Variants in ATIC observed in about 807,000 individuals in gnomAD.
ATIC encodes 5-aminoimidazole-4-carboxamide ribonucleotide formyltransferase/IMP cyclohydrolase, also known as bifunctional purine biosynthesis protein ATIC.
Under a neutral mutation model 72.5 loss-of-function variants are expected in ATIC, and 64 were observed. The observed-to-expected ratio is 0.88, with a 90% CI of 0.72 to 1.09. The LOEUF (loss-of-function observed/expected upper bound fraction) is 1.09. Ranked by LOEUF, ATIC falls within the 50% of genes least tolerant of loss-of-function variation. The pLI is 0.00. For missense variants in ATIC, 787 were observed against 732.4 expected, an observed-to-expected ratio of 1.07 and a Z score of -0.86; for synonymous variants, 281 against 267.1, an observed-to-expected ratio of 1.05 and a Z score of -0.51.
At chr2:215,364,226 A>G in the ATIC span, 1 of 157,598 alleles carries the variant, frequency 6.3e-6, no homozygotes, top group South Asian at 1.9e-4. Context: ...TACTTAGCAC[A>G]GTGCTAGACC....
chr2:215,317,098 T>C (rs2052718231), intron 2 of ATIC, among the ~76,000 whole-genome samples: 2 of 152,160 alleles, frequency 1.3e-5, no homozygotes, highest in Non-Finnish European at 2.9e-5. Flanking sequence ...GTGGGCATTT[T>C]TACACACCAT....
In ATIC at chr2:215,349,689, T is replaced by C. The variant is rs779607170; in HGVS notation, c.*34T>C. The C allele has an allele frequency of 1.4e-5, 23 of 1,614,012 alleles. No homozygotes were observed. In the East Asian group the frequency reaches 4.0e-4, roughly 28 times the overall value. ...CACACTGTTTTTTGGCTTGCTTATG[T>C]GTAGGTGAACAGTCACGCCTGAAAC... On this transcript the variant is annotated 3_prime_UTR_variant, in exon 16 of 16. Coordinates refer to ENST00000236959, the MANE Select transcript of ATIC (RefSeq NM_004044.7).
In ATIC at chr2:215,319,524, T is replaced by TA. The variant is rs2052744657; in HGVS notation, c.224-140dup. On this transcript the variant is annotated intron_variant, in intron 3 of 15. Transcript: ENST00000236959. ...CGCCACTACAATCCAGCCTGGGCGA[T>TA]AGAGTGAGACCATCTCAAAAAAATA... 5 of 661,922 alleles carry TA rather than the reference T, an allele frequency of 7.6e-6. No homozygotes were observed. In the Admixed American group the frequency reaches 1.2e-4, roughly 16 times the overall value. 41.0% of individuals were successfully genotyped at this position (661,922 alleles called of 1,614,324 possible). A position where few individuals can be genotyped will look rare whatever the true frequency, so the allele number is the denominator to read the frequency against.
chr2:215,361,855 TG>T, the ATIC span: 22 of 1,400,964 alleles, frequency 1.6e-5, no homozygotes, highest in African/African-American at 2.9e-5. Flanking sequence ...AAGTCATTTA[TG>T]AGTTGTTTTT....
intron 4 of ATIC, among the ~76,000 whole-genome samples, chr2:215,324,970 G>A (rs898676497): frequency 6.6e-6 from 1 of 152,110 alleles, no homozygotes; most frequent in Non-Finnish European, 1.5e-5. Flanking sequence ...GGTTATGCAA[G>A]CAGCAGCGTT....
At chr2:215,352,245 A>G (rs1398903185), downstream of ATIC, among the ~76,000 whole-genome samples, 1 of 152,224 alleles carries the variant, frequency 6.6e-6, no homozygotes, top group East Asian at 1.9e-4. Context: ...AAAAGGGGAA[A>G]TTAGGTGTGA....
chr2:215,327,176 T>C (rs569924139), intron 7 of ATIC, among the ~76,000 whole-genome samples, 198 bp downstream of exon 7: 1 of 152,226 alleles, frequency 6.6e-6, no homozygotes, highest in Admixed American at 6.5e-5. Flanking sequence ...TCTGAAAAGA[T>C]GTCATGGGGG....
chr2:215,316,959 A>G (rs907076770), intron 2 of ATIC, among the ~76,000 whole-genome samples: 3 of 152,068 alleles, frequency 2.0e-5, no homozygotes, highest in Admixed American at 6.6e-5. Context: ...GCGGGGTTTC[A>G]CCATGTTGGT....
chr2:215,319,742 G>A lies in ATIC; in HGVS notation c.290+11G>A. 1 of 1,596,106 alleles carries A rather than the reference G, an allele frequency of 6.3e-7. No individual in the cohort carries two copies. Among genetic ancestry groups the A allele is most frequent in the Non-Finnish European group, 8.6e-7 (1 of 1,163,726 alleles). On this transcript the variant is annotated intron_variant, in intron 4 of 15. Transcript: ENST00000236959. ...TTTCAATCTTATAAGGTAAAAACCT[G>A]AAATTAAACTTTTAACACATTACGA...
the ATIC span, chr2:215,365,706 C>A: frequency 3.6e-5 from 52 of 1,436,856 alleles, no homozygotes; most frequent in African/African-American, 6.2e-4. Context: ...TGAACTGGGA[C>A]GTGTCACAGG....
intron 11 of ATIC, among the ~76,000 whole-genome samples, chr2:215,337,487 C>T (rs953009633): frequency 6.6e-6 from 1 of 152,132 alleles, no homozygotes; most frequent in Non-Finnish European, 1.5e-5. Flanking sequence ...CTGCCTCACC[C>T]TCCCAAGTAC....
In ATIC at chr2:215,338,683, A is replaced by G. The variant is rs1011858149; in HGVS notation, c.1099-96A>G. 1.0e-5 allele frequency: 14 copies of G among 1,338,234 alleles called. No individual in the cohort carries two copies. In the African/African-American group the frequency reaches 1.5e-4, roughly 14 times the overall value. 82.9% of individuals were successfully genotyped at this position (1,338,234 alleles called of 1,614,324 possible). ...TGTAAAAAATTAGAAACATGCATAT[A>G]ACTTTACTTACAATGAAATCTTTTG... is the stretch of plus-strand genomic sequence containing the variant. On this transcript the variant is annotated intron_variant, in intron 11 of 15. Coordinates refer to ENST00000236959, the MANE Select transcript of ATIC (RefSeq NM_004044.7).
At position 215,332,476 on chromosome 2, in the gene ATIC, C is replaced by T. The variant is rs151259995; in HGVS notation, c.783C>T (p.Ala261=). ...TCAAGGAGGCTTTAGGTATTCCAGC[C>T]GCTGCCTCTTTCAAACATGTCAGCC... ...KELKEALGIP[A]AASFKHVSPA... Residue 261 remains alanine, a synonymous_variant, in exon 8 of 16, where the codon GCC becomes GCT. Coordinates refer to ENST00000236959, the MANE Select transcript of ATIC (RefSeq NM_004044.7). 47 of 1,613,934 alleles carry T rather than the reference C, an allele frequency of 2.9e-5. No individual in the cohort carries two copies. The highest frequency in any genetic ancestry group is 3.9e-5 in the Non-Finnish European group (46 of 1,180,030).
the ATIC span, among the ~76,000 whole-genome samples, chr2:215,367,239 G>A: frequency 5.3e-5 from 8 of 151,974 alleles, no homozygotes; most frequent in Non-Finnish European, 1.2e-4. Context: ...TATTTCCTAG[G>A]CACATTTTAA....
chr2:215,319,769 C>G (rs755448727), intron 4 of ATIC, 38 bp downstream of exon 4: 11 of 1,510,340 alleles, frequency 7.3e-6, no homozygotes, highest in Non-Finnish European at 9.2e-6. Context: ...ACATTACGAA[C>G]CAACGACAAA....
the ATIC span, among the ~76,000 whole-genome samples, chr2:215,356,465 A>G: frequency 6.6e-6 from 1 of 152,234 alleles, no homozygotes; most frequent in South Asian, 2.1e-4. Flanking sequence ...AATTTATGTA[A>G]CGTAAAATTC....
chr2:215,326,621 A>G (rs2106008128), intron 6 of ATIC, among the ~76,000 whole-genome samples: 1 of 152,194 alleles, frequency 6.6e-6, no homozygotes, highest in African/African-American at 2.4e-5. Context: ...AAAAAAAAAA[A>G]AAAGATTGAA....
At chr2:215,365,288 A>T in the ATIC span, among the ~76,000 whole-genome samples, 1 of 152,156 alleles carries the variant, frequency 6.6e-6, no homozygotes, top group African/African-American at 2.4e-5. Flanking sequence ...CAAAATACTC[A>T]GGTTGGACAA....
rs761715317 is a variant in ATIC, at chr2:215,349,236, A to G, written c.1646A>G (p.Asp549Gly). The change falls in exon 15 of 16, where the codon GAC (aspartate) becomes GGC (glycine). Residue 549 changes from aspartate (D) to glycine (G), a missense_variant. Physicochemically the swap from Asp to Gly is moderately conservative, Grantham distance 94. Transcript: ENST00000236959. ...TTCTTCCCTTTCCGAGATAACGTAG[A>G]CAGAGCTAAAAGGGTAAGTATGGAA... The part of the protein sequence containing the change: ...DAFFPFRDNV[D>G]RAKRSGVAYI... The G allele has an allele frequency of 7.4e-6, 12 of 1,614,194 alleles. No homozygotes were observed. In the Admixed American group the frequency reaches 1.8e-4, roughly 25 times the overall value.
Sources: gnomAD v4.1 joint callset for allele counts (sites outside exome capture counted in the v4.1 genomes callset) on GRCh38, gnomAD v4.1.1 for gene constraint, MANE v1.5 for transcripts, NCBI Gene and HGNC (gene_info 2026-07-23, HGNC 2026-07-21) for gene names.